The following CALN1 variants were observed in gnomAD, a reference collection of about 807,000 sequenced individuals.
CALN1 encodes the protein calneuron 1.
Under a neutral mutation model 30.6 loss-of-function variants are expected in CALN1, and 17 were observed. The ratio of observed to expected loss-of-function variants is 0.56; its 90% CI spans 0.38 to 0.83. The LOEUF (loss-of-function observed/expected upper bound fraction) is 0.83, where lower values mean the gene tolerates loss of function less well. CALN1 is among the 40% of genes least tolerant of loss of function. CALN1 has a pLI of 0.00. For missense variants in CALN1, 291 were observed against 354.9 expected, an observed-to-expected ratio of 0.82 and a Z score of 1.45; for synonymous variants, 156 against 131.4, an observed-to-expected ratio of 1.19 and a Z score of -1.28.
At chr7:72,271,575 A>AAAAAAAAAAAAAAATATATATATATAT in intron 3 of CALN1, among the ~76,000 whole-genome samples, 29 of 52,082 alleles carry the variant, frequency 5.6e-4, no homozygotes, top group South Asian at 1.2e-3. Context: ...AAAAAAAAAA[A>AAAAAAAAAAAAAAATATATATATATAT]ATATATATAT....
chr7:72,174,664 T>C (rs1420682654), intron 3 of CALN1, among the ~76,000 whole-genome samples: 2 of 152,214 alleles, frequency 1.3e-5, no homozygotes, highest in Admixed American at 1.3e-4. Context: ...ATATATATTG[T>C]ATGATCACAT....
chr7:71,903,060 T>A (rs59377268), intron 5 of CALN1, among the ~76,000 whole-genome samples: 3,959 of 151,724 alleles, frequency 0.026, 147 homozygotes, highest in African/African-American at 0.088. Flanking sequence ...TACTTTTTTT[T>A]AAAAAAAGTA....
chr7:71,893,668 G>A (rs1284788983), intron 5 of CALN1, among the ~76,000 whole-genome samples: 1 of 151,694 alleles, frequency 6.6e-6, no homozygotes, highest in Non-Finnish European at 1.5e-5. Context: ...TCTAGCCTGG[G>A]CGACAGAGCA....
At chr7:72,066,585 C>T (rs779093703) in intron 4 of CALN1, among the ~76,000 whole-genome samples, 11 of 151,948 alleles carry the variant, frequency 7.2e-5, no homozygotes, top group Admixed American at 1.3e-4. Context: ...GTACCTGCTT[C>T]GATCTGCCTT....
intron 5 of CALN1, among the ~76,000 whole-genome samples, chr7:71,995,670 G>C (rs892181375): frequency 3.3e-5 from 5 of 152,002 alleles, no homozygotes; most frequent in Non-Finnish European, 5.9e-5. Flanking sequence ...ACCACTAACA[G>C]TAAAAAGCTA....
At chr7:72,408,314 G>A (rs905003355) in intron 1 of CALN1, among the ~76,000 whole-genome samples, 73 of 150,532 alleles carry the variant, frequency 4.8e-4, no homozygotes, top group African/African-American at 1.7e-3. Context: ...GGTGGCTCAC[G>A]CTTGTAGTCC....
intron 4 of CALN1, among the ~76,000 whole-genome samples, chr7:72,090,085 G>T (rs765101375): frequency 6.6e-6 from 1 of 152,174 alleles, no homozygotes; most frequent in Non-Finnish European, 1.5e-5. Context: ...ATCGCTGGAG[G>T]TCAGGAGTTC....
chr7:72,279,283 T>C (rs927092063), intron 2 of CALN1, among the ~76,000 whole-genome samples: 2 of 152,188 alleles, frequency 1.3e-5, no homozygotes, highest in Non-Finnish European at 2.9e-5. Flanking sequence ...ATATAGGCAT[T>C]GCACTCACAC....
chr7:72,303,934 A>T (rs1799468451), intron 2 of CALN1, among the ~76,000 whole-genome samples: 1 of 152,228 alleles, frequency 6.6e-6, no homozygotes, highest in African/African-American at 2.4e-5. Context: ...TGCAGTGAGT[A>T]ATTATTTACA....
At chr7:71,962,332 G>GT (rs1200792089) in intron 5 of CALN1, among the ~76,000 whole-genome samples, 34 of 152,168 alleles carry the variant, frequency 2.2e-4, no homozygotes, top group African/African-American at 7.2e-4. Flanking sequence ...GAGCCCAGGA[G>GT]TTTGAGGCTG....
chr7:72,151,285 C>T (rs529703306), intron 3 of CALN1, among the ~76,000 whole-genome samples: 5 of 152,212 alleles, frequency 3.3e-5, no homozygotes, highest in Non-Finnish European at 7.4e-5. Flanking sequence ...CAATCTTTAG[C>T]GTTCCTTGGC....
chr7:72,114,255 A>T (rs1036754047), intron 3 of CALN1, among the ~76,000 whole-genome samples: 2 of 54,680 alleles, frequency 3.7e-5, no homozygotes, highest in East Asian at 4.2e-3. Flanking sequence ...AAGGGAAGGG[A>T]AGGGAAGGGA....
intron 5 of CALN1, among the ~76,000 whole-genome samples, chr7:71,893,194 T>G (rs1287929716): frequency 6.6e-6 from 1 of 152,174 alleles, no homozygotes; most frequent in African/African-American, 2.4e-5. Context: ...TAGAGATATT[T>G]TTGGTTGTTT....
intron 1 of CALN1, among the ~76,000 whole-genome samples, chr7:72,403,969 A>C (rs1483963669): frequency 6.6e-6 from 1 of 152,126 alleles, no homozygotes; most frequent in East Asian, 1.9e-4. Flanking sequence ...CTTAAAGCAT[A>C]CAGCATCCAA....
intron 1 of CALN1, among the ~76,000 whole-genome samples, chr7:72,408,476 CAA>C (rs1253447978): frequency 6.6e-6 from 1 of 151,676 alleles, no homozygotes; most frequent in Non-Finnish European, 1.5e-5. Flanking sequence ...ATAATAAAGA[CAA>C]AGACTCTCTA....
At chr7:72,068,921 T>C (rs929784727) in intron 4 of CALN1, among the ~76,000 whole-genome samples, 5 of 152,208 alleles carry the variant, frequency 3.3e-5, no homozygotes, top group African/African-American at 1.2e-4. Context: ...ATTTTTATTA[T>C]TGTGATTATC....
At chr7:71,804,629 G>C (rs1486047578) in intron 6 of CALN1, among the ~76,000 whole-genome samples, 5 of 152,202 alleles carry the variant, frequency 3.3e-5, no homozygotes, top group East Asian at 1.9e-4. Context: ...GATCAGCCTG[G>C]ACAACATGGC....
chr7:72,113,191 T>G (rs1010922628), intron 3 of CALN1, among the ~76,000 whole-genome samples: 1 of 152,168 alleles, frequency 6.6e-6, no homozygotes, highest in Admixed American at 6.5e-5. Context: ...AGATCCTGCA[T>G]GAACAGATCA....
chr7:72,043,317 G>T (rs1006253770), intron 4 of CALN1, among the ~76,000 whole-genome samples: 1 of 152,162 alleles, frequency 6.6e-6, no homozygotes, highest in Non-Finnish European at 1.5e-5. Flanking sequence ...ATTGCCTTCA[G>T]CAGTCCAGAA....
Sources: gnomAD v4.1 joint callset for allele counts (sites outside exome capture counted in the v4.1 genomes callset) on GRCh38, gnomAD v4.1.1 for gene constraint, MANE v1.5 for transcripts, NCBI Gene and HGNC (gene_info 2026-07-23, HGNC 2026-07-21) for gene names.